Variants in MCTP1 observed in about 807,000 individuals in gnomAD.
The protein encoded by MCTP1 is multiple C2 and transmembrane domain containing 1, also known as multiple C2 and transmembrane domain-containing protein 1.
A neutral mutation model predicts 120.6 loss-of-function variants in MCTP1; 69 were observed. That is an observed-to-expected ratio of 0.57 (90% confidence interval 0.47 to 0.70). The LOEUF is 0.70. MCTP1 is among the 30% of genes least tolerant of loss of function. The pLI, the probability that MCTP1 is intolerant of heterozygous loss-of-function variation, is 0.00. For synonymous variants in MCTP1, 529 were observed against 493.1 expected (o/e 1.07, Z -0.96); for missense variants, 1,203 against 1,248.8 (o/e 0.96, Z 0.55).
chr5:95,111,438 C>G (rs1376748251), intron 1 of MCTP1, among the ~76,000 whole-genome samples: 1 of 152,154 alleles, frequency 6.6e-6, no homozygotes, highest in African/African-American at 2.4e-5. Flanking sequence ...TTTATCACAG[C>G]TTCTGGTATA....
At chr5:94,950,932 G>C (rs1354531199) in intron 3 of MCTP1, among the ~76,000 whole-genome samples, 2 of 141,812 alleles carry the variant, frequency 1.4e-5, no homozygotes, top group Non-Finnish European at 3.0e-5. Context: ...GGGCGACAGA[G>C]CAAGACTCTG....
At chr5:94,890,619 A>C (rs1253991240) in intron 11 of MCTP1, among the ~76,000 whole-genome samples, 1 of 152,224 alleles carries the variant, frequency 6.6e-6, no homozygotes, top group Non-Finnish European at 1.5e-5. Context: ...TTTAGTATGC[A>C]CAGAAGTATT....
At chr5:95,271,534 T>A (rs1043729701) in intron 1 of MCTP1, among the ~76,000 whole-genome samples, 1 of 151,870 alleles carries the variant, frequency 6.6e-6, no homozygotes, top group Non-Finnish European at 1.5e-5. Context: ...CCTGTAAGGA[T>A]CATTTTGTGA....
chr5:94,916,489 A>G (rs535042614), intron 8 of MCTP1, among the ~76,000 whole-genome samples: 2 of 152,280 alleles, frequency 1.3e-5, no homozygotes, highest in East Asian at 3.9e-4. Context: ...CACTCCATAA[A>G]CAATGAAGAT....
chr5:94,966,844 T>C (rs1426067032), intron 2 of MCTP1, among the ~76,000 whole-genome samples: 1 of 151,460 alleles, frequency 6.6e-6, no homozygotes. Flanking sequence ...CCAAACTCAA[T>C]CTCAAATCTG....
intron 19 of MCTP1, among the ~76,000 whole-genome samples, chr5:94,773,805 A>G (rs1054197248): frequency 3.3e-5 from 5 of 152,168 alleles, no homozygotes; most frequent in Non-Finnish European, 7.4e-5. Context: ...AGCACAGGAA[A>G]GATCCACTCC....
chr5:95,013,726 T>C (rs1373365541), intron 2 of MCTP1, among the ~76,000 whole-genome samples: 1 of 152,142 alleles, frequency 6.6e-6, no homozygotes, highest in Non-Finnish European at 1.5e-5. Context: ...TTATTGGCAA[T>C]GCATCTAGTC....
intron 17 of MCTP1, among the ~76,000 whole-genome samples, chr5:94,856,685 A>C (rs1173593232): frequency 6.6e-6 from 1 of 151,744 alleles, no homozygotes; most frequent in Non-Finnish European, 1.5e-5. Context: ...GGAAAGATGG[A>C]TAAATTATCC....
chr5:95,011,206 G>T (rs1344750625), intron 2 of MCTP1, among the ~76,000 whole-genome samples: 1 of 151,994 alleles, frequency 6.6e-6, no homozygotes, highest in Non-Finnish European at 1.5e-5. Flanking sequence ...CATCATAACT[G>T]TACACATATA....
At chr5:94,777,850 G>A (rs1027833572) in intron 19 of MCTP1, among the ~76,000 whole-genome samples, 2 of 151,880 alleles carry the variant, frequency 1.3e-5, no homozygotes, top group Non-Finnish European at 2.9e-5. Flanking sequence ...ACTAAATGAT[G>A]TACAGAAGAA....
intron 2 of MCTP1, among the ~76,000 whole-genome samples, chr5:94,962,831 T>A (rs569411128): frequency 1.3e-5 from 2 of 152,204 alleles, no homozygotes; most frequent in South Asian, 4.2e-4. Flanking sequence ...CTTACTCATG[T>A]AACCAAATAC....
At chr5:94,840,363 T>C (rs1418096565) in intron 17 of MCTP1, among the ~76,000 whole-genome samples, 1 of 152,206 alleles carries the variant, frequency 6.6e-6, no homozygotes, top group Non-Finnish European at 1.5e-5. Flanking sequence ...ACAAACAGCT[T>C]CTCCTTCTCT....
At chr5:95,125,183 G>A (rs1562163352) in intron 1 of MCTP1, among the ~76,000 whole-genome samples, 2 of 152,174 alleles carry the variant, frequency 1.3e-5, no homozygotes, top group Non-Finnish European at 1.5e-5. Context: ...TGCAACTCTT[G>A]ACTGCTGTAT....
intron 1 of MCTP1, among the ~76,000 whole-genome samples, chr5:95,182,900 C>G (rs1252153727): frequency 2.0e-5 from 3 of 151,794 alleles, no homozygotes; most frequent in Non-Finnish European, 4.4e-5. Context: ...GTGGCGGGTG[C>G]CTGTAATCCC....
chr5:94,934,221 A>G (rs1023194691), intron 5 of MCTP1, among the ~76,000 whole-genome samples: 1 of 151,726 alleles, frequency 6.6e-6, no homozygotes, highest in Non-Finnish European at 1.5e-5. Flanking sequence ...TATACTATTA[A>G]TAATGTTTTC....
intron 1 of MCTP1, among the ~76,000 whole-genome samples, chr5:95,026,167 G>A (rs1246161875): frequency 1.3e-5 from 2 of 151,878 alleles, no homozygotes; most frequent in African/African-American, 2.4e-5. Flanking sequence ...TTTAATTTTT[G>A]TGGGTACATA....
At chr5:95,027,734 T>C (rs1327392831) in intron 1 of MCTP1, among the ~76,000 whole-genome samples, 5 of 152,182 alleles carry the variant, frequency 3.3e-5, no homozygotes, top group African/African-American at 1.2e-4. Context: ...TCCGTACTCT[T>C]GAATGTCTGT....
At chr5:95,023,137 C>G (rs1286805894) in intron 1 of MCTP1, among the ~76,000 whole-genome samples, 1 of 152,076 alleles carries the variant, frequency 6.6e-6, no homozygotes, top group East Asian at 1.9e-4. Flanking sequence ...ACTCTGTGGG[C>G]AACATGAAAC....
At chr5:94,915,944 G>A (rs1809947276) in intron 8 of MCTP1, among the ~76,000 whole-genome samples, 1 of 152,092 alleles carries the variant, frequency 6.6e-6, no homozygotes. Context: ...GGAGGAAGGA[G>A]AACATTTCTT....
Sources: gnomAD v4.1 joint callset for allele counts (sites outside exome capture counted in the v4.1 genomes callset) on GRCh38, gnomAD v4.1.1 for gene constraint, MANE v1.5 for transcripts, NCBI Gene and HGNC (gene_info 2026-07-23, HGNC 2026-07-21) for gene names.